TIMP4: variants seen among roughly 807,000 people sequenced by gnomAD.
TIMP4 encodes the protein metalloproteinase inhibitor 4.
In TIMP4, 28 loss-of-function variants were observed where a neutral mutation model predicts 27.3. The observed-to-expected ratio is 1.03, with a 90% CI of 0.76 to 1.41. The LOEUF (loss-of-function observed/expected upper bound fraction) is 1.41. Ranked by LOEUF, TIMP4 falls within the 40% of genes most tolerant of loss-of-function variation. TIMP4 has a pLI of 0.00. For missense variants in TIMP4, 307 were observed against 285.5 expected, an observed-to-expected ratio of 1.08 and a Z score of -0.54; for synonymous variants, 138 against 115.5, an observed-to-expected ratio of 1.20 and a Z score of -1.25.
Position 12,156,841 on chromosome 3 carries a change from G to C in TIMP4, c.331C>G (p.Gln111Glu). The C allele has an allele frequency of 6.2e-7, 1 of 1,614,050 alleles. No individual in the cohort carries two copies. Among genetic ancestry groups the C allele is most frequent in the Non-Finnish European group, 8.5e-7 (1 of 1,179,906 alleles). Residue 111 changes from glutamine (Q) to glutamate (E), a missense_variant, in exon 3 of 5, where the codon CAG becomes GAG. Transcript: ENST00000287814. ...TTACCAGTCAAGAGATACTGCTTCT[G>C]GCTGTTGGCTTCTAGTTTCACACCA... Reference protein sequence around the residue: ...LCGVKLEANSQKQYLLTGQVL... With the variant: ...LCGVKLEANSEKQYLLTGQVL...
chr3:12,158,588 A>G (rs1697531031), intron 1 of TIMP4, 114 bp downstream of exon 1: 4 of 1,468,782 alleles, frequency 2.7e-6, no homozygotes, highest in Non-Finnish European at 1.8e-6. Flanking sequence ...GCAAGAGACA[A>G]CCGGTAAGAA....
chr3:12,155,066 C>T (rs1285092335), intron 3 of TIMP4, among the ~76,000 whole-genome samples: 1 of 20,888 alleles, frequency 4.8e-5, no homozygotes, highest in African/African-American at 1.3e-4. Flanking sequence ...GTGGTATGGC[C>T]GTAGATTCCT....
intron 1 of TIMP4, among the ~76,000 whole-genome samples, chr3:12,157,994 C>T (rs1489380461): frequency 6.6e-6 from 1 of 152,242 alleles, no homozygotes; most frequent in Non-Finnish European, 1.5e-5. Context: ...TGTTCTTCCT[C>T]TGTGCCTGGC....
At chr3:12,155,249 G>T (rs1425712464) in intron 3 of TIMP4, among the ~76,000 whole-genome samples, 1 of 152,194 alleles carries the variant, frequency 6.6e-6, no homozygotes, top group Non-Finnish European at 1.5e-5. Flanking sequence ...CTCCCAAGGA[G>T]CTTAGAAATG....
At position 12,155,651 on chromosome 3, in the gene TIMP4, T is replaced by G. The variant is rs150307099; in HGVS notation, c.352+1169A>C. Among the ~76,000 whole-genome samples, 391 of 152,342 alleles carry G rather than the reference T, an allele frequency of 2.6e-3. 3 individuals are homozygous for G. Among genetic ancestry groups the G allele is most frequent in the African/African-American group, 9.0e-3 (373 of 41,588 alleles). On this transcript the variant is annotated intron_variant, in intron 3 of 4. Coordinates refer to ENST00000287814, the MANE Select transcript of TIMP4 (RefSeq NM_003256.4). Reference sequence around the variant, plus strand: ...TTTCAACACCAGGCAAAGGAGCTTGTGCCTTCTCCTGTAGGACCTGGGCAC... The same window carrying G: ...TTTCAACACCAGGCAAAGGAGCTTGGGCCTTCTCCTGTAGGACCTGGGCAC...
chr3:12,155,927 G>A (rs1697443075), intron 3 of TIMP4, among the ~76,000 whole-genome samples: 1 of 152,144 alleles, frequency 6.6e-6, no homozygotes, highest in Non-Finnish European at 1.5e-5. Flanking sequence ...TTCCATCCAG[G>A]AGCTCCTCAG....
chr3:12,154,531 A>G, intron 3 of TIMP4, 80 bp from the exon 4 acceptor site: 1 of 1,536,704 alleles, frequency 6.5e-7, no homozygotes, highest in Non-Finnish European at 8.8e-7. Flanking sequence ...TGAAAAGCCC[A>G]GAATTGCAGC....
intron 1 of TIMP4, 111 bp downstream of exon 1, chr3:12,158,591 G>C: frequency 2.0e-6 from 3 of 1,485,938 alleles, no homozygotes; most frequent in Non-Finnish European, 2.7e-6. Flanking sequence ...AGAGACAACC[G>C]GTAAGAATTT....
intron 3 of TIMP4, among the ~76,000 whole-genome samples, chr3:12,156,523 C>T (rs1697462137): frequency 6.6e-6 from 1 of 152,212 alleles, no homozygotes; most frequent in South Asian, 2.1e-4. Context: ...AAATCTTATA[C>T]TAATTTAAAC....
chr3:12,156,890 A>G lies in TIMP4; in HGVS notation c.282T>C (p.Tyr94=), dbSNP rs1288949754. 4 of 1,614,234 alleles carry G rather than the reference A, an allele frequency of 2.5e-6. No homozygotes were observed. Among genetic ancestry groups the G allele is most frequent in the Non-Finnish European group, 3.4e-6 (4 of 1,180,044 alleles). Residue 94 remains tyrosine (Y), a synonymous_variant, in exon 3 of 5, where the codon TAT becomes TAC. Coordinates refer to ENST00000287814, the MANE Select transcript of TIMP4 (RefSeq NM_003256.4). ...CACAGAGGGAAGAGTCAAAAGGCGT[A>G]TAGATATACTGAACATCCTTGACTT... The part of the protein sequence containing the change: ...FEKVKDVQYI[Y]TPFDSSLCGV...
At position 12,154,428 on chromosome 3, in the gene TIMP4, C is replaced by G. The variant is rs1160531594; in HGVS notation, c.376G>C (p.Val126Leu). The G allele has an allele frequency of 1.9e-6, 3 of 1,614,108 alleles. No individual in the cohort carries two copies. The highest frequency in any genetic ancestry group is 2.2e-5 in the South Asian group (2 of 91,070). Residue 126 changes from valine (V) to leucine (L), a missense_variant, in exon 4 of 5, where the codon GTC (valine) becomes CTC (leucine). By Grantham distance (32) the Val-to-Leu change is conservative. Transcript: ENST00000287814. ...ATGTAGTTGCACAGATGGATGAAGA[C>G]TTTTCCATCACTGAGGACCTGACCT... The part of the protein sequence containing the change: ...LTGQVLSDGK[V>L]FIHLCNYIEP...
At chr3:12,157,361 A>C in intron 2 of TIMP4, 24 bp downstream of exon 2, 2 of 1,608,700 alleles carry the variant, frequency 1.2e-6, no homozygotes, top group Non-Finnish European at 1.7e-6. Flanking sequence ...TAGGGGCTAC[A>C]CATCCCAGCC....
intron 3 of TIMP4, 145 bp from the exon 4 acceptor site, chr3:12,154,596 A>G: frequency 1.3e-6 from 1 of 769,762 alleles, no homozygotes; most frequent in South Asian, 1.9e-5. Flanking sequence ...AGGGACCAAT[A>G]AATAAAACTA....
intron 2 of TIMP4, 55 bp from the exon 3 acceptor site, chr3:12,156,989 A>G: frequency 1.6e-6 from 2 of 1,284,768 alleles, no homozygotes; most frequent in Non-Finnish European, 1.1e-6. Context: ...TACTGTATAT[A>G]TTAACAGACA....
At chr3:12,154,587 G>A (rs879695081) in intron 3 of TIMP4, 136 bp from the exon 4 acceptor site, 50 of 851,106 alleles carry the variant, frequency 5.9e-5, no homozygotes, top group Non-Finnish European at 8.8e-5. Flanking sequence ...GCTCAGTGAA[G>A]GGACCAATAA....
Position 12,153,455 on chromosome 3 carries a change from G to A in TIMP4, c.*60C>T. 5.0e-6 allele frequency: 8 copies of A among 1,590,100 alleles called. No homozygotes were observed. Among genetic ancestry groups the A allele is most frequent in the Non-Finnish European group, 6.0e-6 (7 of 1,160,300 alleles). ...GTGGTAATGGCCAAAGCTCTGCAGGGAAGGAGAACTGGCTTGATCTTCAGG... is the reference window on the plus strand; with the variant it reads ...GTGGTAATGGCCAAAGCTCTGCAGGAAAGGAGAACTGGCTTGATCTTCAGG... On this transcript the variant is annotated 3_prime_UTR_variant, in exon 5 of 5. Coordinates refer to ENST00000287814, the MANE Select transcript of TIMP4 (RefSeq NM_003256.4).
At chr3:12,154,549 A>G (rs541930398) in intron 3 of TIMP4, 98 bp from the exon 4 acceptor site, 45 of 1,438,432 alleles carry the variant, frequency 3.1e-5, no homozygotes, top group Middle Eastern at 2.4e-4. Context: ...AGCCTCCCCA[A>G]TGACTTTGGT....
rs759026154 is a variant in TIMP4 at position 12,156,836 on chromosome 3, C to G, written c.336G>C (p.Lys112Asn). 5.0e-6 allele frequency: 8 copies of G among 1,613,950 alleles called. No homozygotes were observed. The highest frequency in any genetic ancestry group is 5.9e-6 in the Non-Finnish European group (7 of 1,179,916). ...TTAACTTACCAGTCAAGAGATACTGCTTCTGGCTGTTGGCTTCTAGTTTCA... is the reference window on the plus strand; with the variant it reads ...TTAACTTACCAGTCAAGAGATACTGGTTCTGGCTGTTGGCTTCTAGTTTCA... ...CGVKLEANSQ[K>N]QYLLTGQVLS... The change falls in exon 3 of 5, where the codon AAG (lysine) becomes AAC (asparagine). Residue 112 changes from lysine to asparagine, a missense_variant. Physicochemically the swap from Lys to Asn is moderately conservative, Grantham distance 94. Transcript: ENST00000287814.
intron 3 of TIMP4, among the ~76,000 whole-genome samples, chr3:12,156,160 A>G (rs28897670): frequency 0.08 from 12,092 of 152,038 alleles, 581 homozygotes; most frequent in African/African-American, 0.13. Context: ...TCCCTCCCCC[A>G]CTGCTGTGCT....
Sources: gnomAD v4.1 joint callset for allele counts (sites outside exome capture counted in the v4.1 genomes callset) on GRCh38, gnomAD v4.1.1 for gene constraint, MANE v1.5 for transcripts, NCBI Gene and HGNC (gene_info 2026-07-23, HGNC 2026-07-21) for gene names.